Variants in LRRTM4 observed in about 807,000 individuals in gnomAD.
LRRTM4 encodes leucine-rich repeat transmembrane neuronal protein 4.
LRRTM4 carries 25 observed loss-of-function variants against 47.6 expected under a neutral mutation model. That is an observed-to-expected ratio of 0.53 (90% CI 0.38 to 0.73). The LOEUF (loss-of-function observed/expected upper bound fraction) is 0.73, where lower values mean the gene tolerates loss of function less well. LRRTM4 is among the 30% of genes least tolerant of loss of function. LRRTM4 has a pLI of 0.00. For missense variants in LRRTM4, 638 were observed against 713.4 expected (o/e 0.89, Z 1.20); for synonymous variants, 311 against 269.5 (o/e 1.15, Z -1.51).
intron 3 of LRRTM4, among the ~76,000 whole-genome samples, chr2:77,250,602 C>T (rs78189182): frequency 5.9e-5 from 9 of 152,004 alleles, no homozygotes; most frequent in African/African-American, 2.2e-4. Context: ...TTTAAATGTA[C>T]ATATATGCAT....
chr2:76,771,658 G>A (rs67852617), intron 3 of LRRTM4, among the ~76,000 whole-genome samples: 909 of 66,756 alleles, frequency 0.014, 26 homozygotes, highest in African/African-American at 0.036. Flanking sequence ...AAAAAAAAAA[G>A]AAAAAGAAAA....
intron 3 of LRRTM4, among the ~76,000 whole-genome samples, chr2:76,971,603 G>C (rs1360698437): frequency 6.6e-6 from 1 of 152,016 alleles, no homozygotes; most frequent in Admixed American, 6.6e-5. Flanking sequence ...TATCTGGATG[G>C]TGTCTTGTTG....
intron 3 of LRRTM4, among the ~76,000 whole-genome samples, chr2:77,487,095 A>G (rs560920095): frequency 1.4e-4 from 22 of 152,312 alleles, no homozygotes; most frequent in Admixed American, 1.3e-3. Flanking sequence ...AGCTGCTGCA[A>G]AGACACCGGC....
chr2:77,256,058 G>A (rs1558656127), intron 3 of LRRTM4, among the ~76,000 whole-genome samples: 1 of 151,844 alleles, frequency 6.6e-6, no homozygotes, highest in Non-Finnish European at 1.5e-5. Context: ...GAACAAAGGA[G>A]GAAAAACACC....
intron 3 of LRRTM4, among the ~76,000 whole-genome samples, chr2:76,937,049 G>A (rs1013563336): frequency 4.8e-5 from 7 of 146,996 alleles, no homozygotes; most frequent in African/African-American, 1.8e-4. Flanking sequence ...CAATGACAAC[G>A]GGAAGCCACA....
At chr2:77,251,907 T>C (rs893537967) in intron 3 of LRRTM4, among the ~76,000 whole-genome samples, 2 of 152,146 alleles carry the variant, frequency 1.3e-5, no homozygotes, top group Non-Finnish European at 2.9e-5. Flanking sequence ...TGATCACAGG[T>C]TGAGAATTCC....
intron 3 of LRRTM4, among the ~76,000 whole-genome samples, chr2:76,898,553 C>CT (rs1673502683): frequency 1.7e-4 from 11 of 63,550 alleles, no homozygotes; most frequent in African/African-American, 6.6e-4. Flanking sequence ...AGCTCCGTCT[C>CT]AAAAAAAAAA....
At chr2:76,967,976 T>C (rs1427069861) in intron 3 of LRRTM4, among the ~76,000 whole-genome samples, 1 of 151,484 alleles carries the variant, frequency 6.6e-6, no homozygotes, top group Non-Finnish European at 1.5e-5. Context: ...TTGGCAAATA[T>C]AAAGACAAAT....
rs1470055757 is a variant in LRRTM4 at position 76,882,215 on chromosome 2, T to C, written c.1552-133299A>G. 2.0e-5 allele frequency among the ~76,000 whole-genome samples: 3 copies of C among 152,246 alleles called. 1 individual carries two copies. Among genetic ancestry groups the C allele is most frequent in the South Asian group, 4.1e-4 (2 of 4,828 alleles). On this transcript the variant is annotated intron_variant, in intron 3 of 3. Transcript: ENST00000409884. Reference sequence around the variant, plus strand: ...AGATATTAATATTTTCTGTTTGGTATTGTGAAGGTCTGTGGTTTGTGGCTT... The same window carrying C: ...AGATATTAATATTTTCTGTTTGGTACTGTGAAGGTCTGTGGTTTGTGGCTT...
chr2:77,362,166 A>AAGGAAGG (rs1558707453), intron 3 of LRRTM4, among the ~76,000 whole-genome samples: 45 of 110,426 alleles, frequency 4.1e-4, no homozygotes, highest in East Asian at 7.1e-4. Context: ...AGAAAGAAAG[A>AAGGAAGG]AAGAAAGGAA....
chr2:77,251,433 G>C (rs1675613789), intron 3 of LRRTM4, among the ~76,000 whole-genome samples: 1 of 151,734 alleles, frequency 6.6e-6, no homozygotes. Context: ...ACATGGGAAT[G>C]GAATTGAGAT....
intron 3 of LRRTM4, among the ~76,000 whole-genome samples, chr2:76,938,919 G>T (rs948863358): frequency 1.3e-5 from 2 of 151,962 alleles, no homozygotes; most frequent in African/African-American, 4.8e-5. Context: ...CTAGTCTTAT[G>T]AGATTTCAAA....
intron 3 of LRRTM4, among the ~76,000 whole-genome samples, chr2:76,956,482 A>C (rs1675678626): frequency 6.6e-6 from 1 of 151,566 alleles, no homozygotes; most frequent in African/African-American, 2.4e-5. Context: ...GGAAGTTTAT[A>C]GCAGCAAATG....
At chr2:76,782,914 A>G (rs997963590) in intron 3 of LRRTM4, among the ~76,000 whole-genome samples, 1 of 152,198 alleles carries the variant, frequency 6.6e-6, no homozygotes, top group African/African-American at 2.4e-5. Context: ...GTTCTTTAGA[A>G]TTAATCAAAT....
chr2:77,221,002 A>G (rs1674610482), intron 3 of LRRTM4, among the ~76,000 whole-genome samples: 1 of 152,216 alleles, frequency 6.6e-6, no homozygotes, highest in Non-Finnish European at 1.5e-5. Context: ...CTAACAGCTG[A>G]TCTCTTGGCA....
At position 77,149,493 on chromosome 2, in the gene LRRTM4, A is replaced by G. The variant is rs369654645; in HGVS notation, c.1551+368825T>C. 4.6e-5 allele frequency among the ~76,000 whole-genome samples: 7 copies of G among 152,198 alleles called. No individual in the cohort carries two copies. The South Asian group carries it at 1.4e-3, about 31-fold the overall frequency. On this transcript the variant is annotated intron_variant, in intron 3 of 3. Coordinates refer to ENST00000409884, the MANE Select transcript of LRRTM4 (RefSeq NM_001134745.3). ...GGCTCCCGAGGTTCTCTTTATGTTA[A>G]GAGCTTCTGTATTCAAGAAGTGTGT...
At chr2:77,252,211 G>T (rs1675637380) in intron 3 of LRRTM4, among the ~76,000 whole-genome samples, 2 of 152,070 alleles carry the variant, frequency 1.3e-5, no homozygotes, top group Non-Finnish European at 2.9e-5. Context: ...GCATGTAAGG[G>T]GTGTAAATCT....
intron 3 of LRRTM4, among the ~76,000 whole-genome samples, chr2:77,252,462 G>C (rs564120100): frequency 6.6e-6 from 1 of 152,126 alleles, no homozygotes; most frequent in Non-Finnish European, 1.5e-5. Context: ...GAAGACCCAT[G>C]CTATACTTGC....
chr2:77,105,058 G>GAA lies in LRRTM4; in HGVS notation c.1552-356144_1552-356143dup, dbSNP rs113329344. ...GCTAACTAAAAAAATGAAAATAAAA[G>GAA]AAAAAAAAAATCATGAGGAGAAAAG... On this transcript the variant is annotated intron_variant, in intron 3 of 3. Coordinates refer to ENST00000409884, the MANE Select transcript of LRRTM4 (RefSeq NM_001134745.3). 1.4e-4 allele frequency among the ~76,000 whole-genome samples: 21 copies of GAA among 148,484 alleles called. No homozygotes were observed. The East Asian group carries it at 2.6e-3, about 18-fold the overall frequency.
Sources: allele counts gnomAD v4.1 joint callset (sites outside exome capture counted in the v4.1 genomes callset), GRCh38; gene constraint gnomAD v4.1.1; transcripts MANE v1.5; gene names NCBI Gene and HGNC (gene_info 2026-07-23, HGNC 2026-07-21).